HEATR1: variants seen among roughly 807,000 people sequenced by gnomAD.
HEATR1 encodes HEAT repeat containing 1.
HEATR1 carries 77 observed loss-of-function variants against 248.2 expected under a neutral mutation model. The observed-to-expected ratio is 0.31, with a 90% CI of 0.26 to 0.37. The LOEUF (loss-of-function observed/expected upper bound fraction) is 0.37, where lower values mean the gene tolerates loss of function less well. Among genes scored for constraint, HEATR1 ranks in the 10% least tolerant of loss-of-function variants. The probability of loss-of-function intolerance (pLI) is 1.00; values close to 1 mark genes in which losing one functional copy is unlikely to be tolerated. For synonymous variants in HEATR1, 897 were observed against 923.1 expected, an observed-to-expected ratio of 0.97 and a Z score of 0.51; for missense variants, 2,420 against 2,504.9, an observed-to-expected ratio of 0.97 and a Z score of 0.72.
Position 236,555,534 on chromosome 1 carries a change from G to C in HEATR1, c.5754+17C>G. 3.7e-6 allele frequency: 6 copies of C among 1,614,122 alleles called. No individual in the cohort carries two copies. Among genetic ancestry groups the C allele is most frequent in the Non-Finnish European group, 5.1e-6 (6 of 1,179,944 alleles). On this transcript the variant is annotated intron_variant, in intron 40 of 44. Transcript: ENST00000366582. ...TAAATCTGAGCACAAAAGAGAGGAA[G>C]AGGAAGAAAGCGTCACCTTGAAGAA...
In HEATR1 at chr1:236,592,008, A is replaced by T. The variant is rs1217068496; in HGVS notation, c.1407T>A (p.Ser469Arg). 2 of 1,592,692 alleles carry T rather than the reference A, an allele frequency of 1.3e-6. No individual in the cohort carries two copies. The highest frequency in any genetic ancestry group is 3.3e-5 in the Admixed American group (2 of 59,876). Reference protein sequence around the residue: ...LFHQFVSLSTSGGKYQFLADS... With the variant: ...LFHQFVSLSTRGGKYQFLADS... ...AACAACATACCTGATACTTTCCTCC[A>T]CTTGTAGAAAGAGAAACAAACTGAT... Residue 469 changes from serine (S) to arginine (R), a missense_variant, in exon 11 of 45, where the codon AGT becomes AGA. Physicochemically the swap from Ser to Arg is moderately radical, Grantham distance 110. Coordinates refer to ENST00000366582, the MANE Select transcript of HEATR1 (RefSeq NM_018072.6).
intron 32 of HEATR1, among the ~76,000 whole-genome samples, chr1:236,562,743 T>C (rs1183915005): frequency 1.3e-5 from 1 of 79,562 alleles, no homozygotes; most frequent in Non-Finnish European, 2.4e-5. Flanking sequence ...GGCTTCTTCA[T>C]GCGTAAACAC....
chr1:236,560,058 C>T (rs1011743897), intron 33 of HEATR1, among the ~76,000 whole-genome samples: 4 of 121,180 alleles, frequency 3.3e-5, no homozygotes, highest in African/African-American at 9.3e-5. Flanking sequence ...GCATCGACCT[C>T]GCTCAGACTC....
chr1:236,571,720 T>C lies in HEATR1; in HGVS notation c.3708-34A>G, dbSNP rs368980223. The C allele has an allele frequency of 1.3e-4, 185 of 1,452,626 alleles. No homozygotes were observed. The African/African-American group carries it at 2.0e-3, about 16-fold the overall frequency. 90.0% of individuals were successfully genotyped at this position (1,452,626 alleles called of 1,614,324 possible). ...CACCCAAAAGAGAAATGATGGGAAA[T>C]GTAAAAGTTGTACAATTCATTGTTA... On this transcript the variant is annotated intron_variant, in intron 26 of 44. Transcript: ENST00000366582.
At chr1:236,603,883 A>T in intron 2 of HEATR1, 71 bp downstream of exon 2, 2 of 821,214 alleles carry the variant, frequency 2.4e-6, no homozygotes, top group Admixed American at 7.6e-5. Context: ...AAACAAGGGG[A>T]AAAAAAAAAA....
Position 236,586,229 on chromosome 1 carries a change from T to A in HEATR1, c.1927+12A>T. 1 of 1,581,796 alleles carries A rather than the reference T, an allele frequency of 6.3e-7. No homozygotes were observed. Among genetic ancestry groups the A allele is most frequent in the Non-Finnish European group, 8.6e-7 (1 of 1,165,014 alleles). On this transcript the variant is annotated intron_variant, in intron 15 of 44. Coordinates refer to ENST00000366582, the MANE Select transcript of HEATR1 (RefSeq NM_018072.6). Reference sequence around the variant, plus strand: ...TGTTCACTTTTTCTAAAAAAACAACTGAATTTTTTACCTTCTTCCCAGCCT... The same window carrying A: ...TGTTCACTTTTTCTAAAAAAACAACAGAATTTTTTACCTTCTTCCCAGCCT...
intron 6 of HEATR1, among the ~76,000 whole-genome samples, 192 bp from the exon 7 acceptor site, chr1:236,596,236 T>C (rs1276202458): frequency 2.6e-5 from 4 of 152,226 alleles, no homozygotes; most frequent in African/African-American, 9.6e-5. Flanking sequence ...ACAAGTCTGT[T>C]GAACGAGACA....
chr1:236,599,832 G>T lies in HEATR1; in HGVS notation c.360-208C>A, dbSNP rs139016597. Among the ~76,000 whole-genome samples, 70 of 152,256 alleles carry T rather than the reference G, an allele frequency of 4.6e-4. 1 individual carries two copies. The highest frequency in any genetic ancestry group is 1.7e-3 in the African/African-American group (69 of 41,554). On this transcript the variant is annotated intron_variant, in intron 3 of 44. Transcript: ENST00000366582. ...TCAACATGGTCCAGCCAATTCCTAT[G>T]CAATATCTTTGAATATTCTACATCA...
At position 236,552,015 on chromosome 1, in the gene HEATR1, T is replaced by C. The variant is rs1662768984; in HGVS notation, c.6330A>G (p.Leu2110=). 2.5e-6 allele frequency: 4 copies of C among 1,607,472 alleles called. No homozygotes were observed. Among genetic ancestry groups the C allele is most frequent in the East Asian group, 2.2e-5 (1 of 44,810 alleles). ...GGGAATTACCTTCCATCAACTCTGC[T>C]AAGAAAGGAATGGATTCTGGTAGCA... ...IVLLPESIPF[L]AELMEDECEE... is the part of the protein sequence containing the mutation. Residue 2110 remains leucine, a synonymous_variant, in exon 44 of 45, where the codon TTA becomes TTG. Coordinates refer to ENST00000366582, the MANE Select transcript of HEATR1 (RefSeq NM_018072.6).
intron 30 of HEATR1, among the ~76,000 whole-genome samples, chr1:236,566,302 C>T (rs1246816178): frequency 6.6e-6 from 1 of 152,136 alleles, no homozygotes; most frequent in East Asian, 1.9e-4. Flanking sequence ...CCTCTATTTC[C>T]CCACAAACTG....
Position 236,585,975 on chromosome 1 carries a change from T to A in HEATR1, c.1928-34A>T, listed in dbSNP as rs770331094. Reference sequence around the variant, plus strand: ...TAAAATCGAATGCAGAGAGCTCTTATGTCACCAACACTCAAAGAATCACAT... The same window carrying A: ...TAAAATCGAATGCAGAGAGCTCTTAAGTCACCAACACTCAAAGAATCACAT... On this transcript the variant is annotated intron_variant, in intron 15 of 44. Transcript: ENST00000366582. 3 of 1,610,264 alleles carry A rather than the reference T, an allele frequency of 1.9e-6. No individual in the cohort carries two copies. The Admixed American group carries it at 5.0e-5, about 27-fold the overall frequency.
chr1:236,550,869 C>T lies in HEATR1; in HGVS notation c.*33G>A. On this transcript the variant is annotated 3_prime_UTR_variant, in exon 45 of 45. Transcript: ENST00000366582. The stretch of plus-strand genomic sequence containing the variant: ...TAAAAATATGAAATATGAGTGTGAA[C>T]TCTGAGTAGAGTATGAAACACCACA... 6.6e-7 allele frequency: 1 copy of T among 1,511,838 alleles called. No homozygotes were observed. The highest frequency in any genetic ancestry group is 9.0e-7 in the Non-Finnish European group (1 of 1,113,978). 93.7% of individuals were successfully genotyped at this position (1,511,838 alleles called of 1,614,324 possible).
Position 236,560,259 on chromosome 1 carries a change from C to T in HEATR1, c.4647-422G>A, listed in dbSNP as rs78758274. Among the ~76,000 whole-genome samples the T allele has an allele frequency of 3.6e-3, 543 of 152,094 alleles. 6 individuals carry two copies. Among genetic ancestry groups the T allele is most frequent in the African/African-American group, 0.012 (518 of 41,474 alleles). ...ACGCACACATACACATGCACACACA[C>T]CATACACCATTTATATAAAGAGAAA... On this transcript the variant is annotated intron_variant, in intron 33 of 44. Transcript: ENST00000366582.
rs1663938721 is a variant in HEATR1, at chr1:236,587,986, T to C, written c.1588A>G (p.Asn530Asp). The C allele has an allele frequency of 5.6e-6, 9 of 1,612,316 alleles. No individual in the cohort carries two copies. The highest frequency in any genetic ancestry group is 1.3e-5 in the African/African-American group (1 of 74,956). The stretch of plus-strand genomic sequence containing the variant: ...ATAGCCGACAAAACAACATCTATAT[T>C]ATCATCACCTAATCGGGCTAAAACA... The part of the protein sequence containing the change: ...EAVLARLGDD[N>D]IDVVLSAISA... The change falls in exon 13 of 45, where the codon AAT becomes GAT. Residue 530 changes from asparagine (N) to aspartate (D), a missense_variant. By Grantham distance (23) the Asn-to-Asp change is conservative (BLOSUM62 1). Coordinates refer to ENST00000366582, the MANE Select transcript of HEATR1 (RefSeq NM_018072.6).
At chr1:236,557,131 A>G in intron 37 of HEATR1, 64 bp downstream of exon 37, 9 of 1,534,400 alleles carry the variant, frequency 5.9e-6, no homozygotes, top group Non-Finnish European at 7.9e-6. Flanking sequence ...CAAAATCACT[A>G]CATTTGTGAT....
intron 20 of HEATR1, among the ~76,000 whole-genome samples, 172 bp from the exon 21 acceptor site, chr1:236,577,121 T>C (rs1358594061): frequency 7.3e-6 from 1 of 137,288 alleles, no homozygotes. Flanking sequence ...ATATGTTACC[T>C]GGTGCATTCT....
intron 43 of HEATR1, 110 bp from the exon 44 acceptor site, chr1:236,552,217 T>C (rs3189): frequency 0.63 from 423,572 of 668,774 alleles, 137,592 homozygotes; most frequent in Non-Finnish European, 0.69. Context: ...TTAGTTCACA[T>C]GCGTTTATTC....
rs1167912822 is a variant in HEATR1 at position 236,599,421 on chromosome 1, TAATTA to T, written c.501+57_501+61del. 7.7e-6 allele frequency: 11 copies of T among 1,425,944 alleles called. No individual in the cohort carries two copies. The East Asian group carries it at 2.1e-4, about 28-fold the overall frequency. 88.3% of individuals were successfully genotyped at this position (1,425,944 alleles called of 1,614,324 possible). A position where few individuals can be genotyped will look rare whatever the true frequency, so the allele number is the denominator to read the frequency against. On this transcript the variant is annotated intron_variant, in intron 4 of 44. Transcript: ENST00000366582. ...CCAGGAGCAATGACTTATTTTTTCC[TAATTA>T]AATCCCTTAATCAAGATCTGTAATG... is the stretch of plus-strand genomic sequence containing the variant.
At chr1:236,578,766 T>G (rs557343184) in intron 20 of HEATR1, among the ~76,000 whole-genome samples, 62 of 152,300 alleles carry the variant, frequency 4.1e-4, no homozygotes, top group Non-Finnish European at 7.9e-4. Flanking sequence ...CAATTTTCAA[T>G]GTTATGCCAG....
Sources: allele counts gnomAD v4.1 joint callset (sites outside exome capture counted in the v4.1 genomes callset), GRCh38; gene constraint gnomAD v4.1.1; transcripts MANE v1.5; gene names NCBI Gene and HGNC (gene_info 2026-07-23, HGNC 2026-07-21).